VWA3A: variants seen among roughly 807,000 people sequenced by gnomAD.
VWA3A encodes von Willebrand factor A domain containing 3A, also known as von Willebrand factor A domain-containing protein 3A.
A neutral mutation model predicts 160.4 loss-of-function variants in VWA3A; 134 were observed. The ratio of observed to expected loss-of-function variants is 0.84; its 90% CI spans 0.73 to 0.96. The LOEUF is 0.96. Ranked by LOEUF, VWA3A falls within the 40% of genes least tolerant of loss-of-function variation. The probability of loss-of-function intolerance (pLI) is 0.00; values close to 1 mark genes in which losing one functional copy is unlikely to be tolerated. For missense variants in VWA3A, 1,310 were observed against 1,447.9 expected (o/e 0.90, Z 1.55); for synonymous variants, 476 against 543.4 (o/e 0.88, Z 1.72).
intron 16 of VWA3A, 137 bp from the exon 17 acceptor site, chr16:22,126,041 C>A: frequency 7.9e-7 from 1 of 1,259,756 alleles, no homozygotes; most frequent in Admixed American, 2.2e-5. Flanking sequence ...GGCCTCAAAC[C>A]ACAGAGAAGA....
rs571301935 is a variant in VWA3A, at chr16:22,139,651, C to T, written c.2293-503C>T. Among the ~76,000 whole-genome samples, 124 of 152,168 alleles carry T rather than the reference C, an allele frequency of 8.1e-4. 4 individuals are homozygous for T. In the South Asian group the frequency reaches 0.024, roughly 29 times the overall value. Reference sequence around the variant, plus strand: ...CAGAGTTTGCAGTGAGTCGAGATCACGCCGCTGCACTCCAGCCTGGGTGAC... The same window carrying T: ...CAGAGTTTGCAGTGAGTCGAGATCATGCCGCTGCACTCCAGCCTGGGTGAC... On this transcript the variant is annotated intron_variant, in intron 22 of 33. Transcript: ENST00000389398.
rs1480654583 is a variant in VWA3A at position 22,102,128 on chromosome 16, A to T, written c.429-1347A>T. On this transcript the variant is annotated intron_variant, in intron 5 of 33. Coordinates refer to ENST00000389398, the MANE Select transcript of VWA3A (RefSeq NM_173615.5). ...CACTTTGGGAGGTCAAGGCAGGAGG[A>T]TCGCTTGAGTTCAGGAGTTCAAGAC... Among the ~76,000 whole-genome samples, 3 of 152,174 alleles carry T rather than the reference A, an allele frequency of 2.0e-5. No homozygotes were observed. In the East Asian group the frequency reaches 5.8e-4, roughly 29 times the overall value.
Position 22,150,766 on chromosome 16 carries a change from C to A in VWA3A, c.3201C>A (p.Ser1067Arg), listed in dbSNP as rs1290975829. Residue 1067 changes from serine to arginine, a missense_variant, in exon 30 of 34, where the codon AGC becomes AGA. Physicochemically the swap from Ser to Arg is moderately radical, Grantham distance 110. Coordinates refer to ENST00000389398, the MANE Select transcript of VWA3A (RefSeq NM_173615.5). Reference protein sequence around the residue: ...LTDGKPDTSCSLVLNEVQKLR... With the variant: ...LTDGKPDTSCRLVLNEVQKLR... ...ACGGAAAGCCAGACACAAGCTGCAG[C>A]CTTGTCCTAAATGAAGTCCAAAAAC... 7.4e-6 allele frequency: 12 copies of A among 1,613,102 alleles called. No homozygotes were observed. Among genetic ancestry groups the A allele is most frequent in the Admixed American group, 1.7e-5 (1 of 59,864 alleles).
At chr16:22,139,262 C>A (rs992149026) in intron 22 of VWA3A, among the ~76,000 whole-genome samples, 1 of 152,220 alleles carries the variant, frequency 6.6e-6, no homozygotes, top group Non-Finnish European at 1.5e-5. Flanking sequence ...ACTTCGCCCC[C>A]TCCTCAGAGG....
chr16:22,152,434 C>A, intron 30 of VWA3A, 77 bp from the exon 31 acceptor site: 1 of 1,566,316 alleles, frequency 6.4e-7, no homozygotes, highest in South Asian at 1.2e-5. Flanking sequence ...GACTTAAGTT[C>A]CCCATGGACG....
rs551302375 is a variant in VWA3A, at chr16:22,140,642, G to A, written c.2383+398G>A. Among the ~76,000 whole-genome samples, 248 of 141,356 alleles carry A rather than the reference G, an allele frequency of 1.8e-3. 3 individuals are homozygous for A. The highest frequency in any genetic ancestry group is 2.8e-3 in the Non-Finnish European group (183 of 66,434). 92.7% of individuals were successfully genotyped at this position (141,356 alleles called of 152,430 possible). A position where few individuals can be genotyped will look rare whatever the true frequency, so the allele number is the denominator to read the frequency against. On this transcript the variant is annotated intron_variant, in intron 23 of 33. Transcript: ENST00000389398. ...TTTTTTTTTTTTGAGACAGAGTCTC[G>A]CTCTGTCACCCAGGCTGGAGTGCAG... is the stretch of plus-strand genomic sequence containing the variant.
At chr16:22,096,482 C>A (rs997648690) in intron 1 of VWA3A, among the ~76,000 whole-genome samples, 1 of 152,008 alleles carries the variant, frequency 6.6e-6, no homozygotes. Context: ...AATGGCCGGG[C>A]GTGGTGACTC....
At chr16:22,115,304 C>G (rs374911774) in intron 8 of VWA3A, 43 bp from the exon 9 acceptor site, 22 of 1,529,624 alleles carry the variant, frequency 1.4e-5, no homozygotes, top group Non-Finnish European at 2.6e-6. Flanking sequence ...AAATTCAATA[C>G]AAACAGTCTT....
chr16:22,147,672 G>A (rs1485704535), intron 27 of VWA3A: 1 of 702,400 alleles, frequency 1.4e-6, no homozygotes, highest in Non-Finnish European at 2.6e-6. Flanking sequence ...GGCTGAGCTG[G>A]GACAGAGAAG....
At chr16:22,144,515 C>T in intron 26 of VWA3A, 131 bp downstream of exon 26, 1 of 1,321,866 alleles carries the variant, frequency 7.6e-7, no homozygotes, top group South Asian at 1.6e-5. Flanking sequence ...AGTGGGACTC[C>T]CCTCACCAAA....
chr16:22,147,625 T>A, intron 27 of VWA3A: 1 of 703,258 alleles, frequency 1.4e-6, no homozygotes. Context: ...AGGGGCGTCA[T>A]GATGACTGCT....
intron 19 of VWA3A, among the ~76,000 whole-genome samples, chr16:22,131,939 T>A (rs564288802): frequency 1.3e-5 from 2 of 152,108 alleles, no homozygotes; most frequent in South Asian, 4.1e-4. Context: ...TCTGTAAAAA[T>A]TTTTAAAATA....
intron 22 of VWA3A, among the ~76,000 whole-genome samples, chr16:22,139,034 C>T (rs1305388437): frequency 6.6e-6 from 1 of 152,064 alleles, no homozygotes; most frequent in Non-Finnish European, 1.5e-5. Flanking sequence ...CCCAGAGGCA[C>T]CTGTGCTTGT....
intron 1 of VWA3A, among the ~76,000 whole-genome samples, chr16:22,093,514 T>C (rs1901414085): frequency 6.6e-6 from 1 of 152,230 alleles, no homozygotes. Flanking sequence ...CCGTTCTCTC[T>C]GGCACGCAGT....
At chr16:22,146,702 G>C (rs1327828686) in intron 27 of VWA3A, among the ~76,000 whole-genome samples, 2 of 152,018 alleles carry the variant, frequency 1.3e-5, no homozygotes, top group Admixed American at 1.3e-4. Flanking sequence ...GAAAATCGCA[G>C]AGGTTGCAGT....
At chr16:22,111,320 C>T (rs1598055069) in intron 8 of VWA3A, among the ~76,000 whole-genome samples, 4 of 151,992 alleles carry the variant, frequency 2.6e-5, no homozygotes, top group Admixed American at 2.6e-4. Context: ...GCAAATGAGT[C>T]TCCCTCTTTT....
intron 14 of VWA3A, 34 bp downstream of exon 14, chr16:22,121,651 A>G: frequency 1.3e-6 from 2 of 1,528,336 alleles, no homozygotes; most frequent in Non-Finnish European, 9.1e-7. Flanking sequence ...CCAGTCCTCC[A>G]CAGGAGAGCT....
chr16:22,144,335 G>A lies in VWA3A; in HGVS notation c.2681G>A (p.Arg894Lys). The change falls in exon 26 of 34, where the codon AGG becomes AAG. Residue 894 changes from arginine (R) to lysine (K), a missense_variant. Physicochemically the swap from Arg to Lys is conservative, Grantham distance 26. Transcript: ENST00000389398. ...TGCACTCATCAAAAGTCAGGACAGA[G>A]GTCAGCATCCGCCAAACACTGCAGC... Reference protein sequence around the residue: ...PNCTHQKSGQRSASAKHCSIF... With the variant: ...PNCTHQKSGQKSASAKHCSIF... The A allele has an allele frequency of 1.9e-6, 3 of 1,613,972 alleles. No individual in the cohort carries two copies. The highest frequency in any genetic ancestry group is 2.5e-6 in the Non-Finnish European group (3 of 1,179,900).
intron 6 of VWA3A, 71 bp from the exon 7 acceptor site, chr16:22,109,411 C>A: frequency 1.5e-6 from 2 of 1,291,866 alleles, no homozygotes; most frequent in Non-Finnish European, 2.2e-6. Context: ...CACTGCGTGG[C>A]ACAGAGCAGC....
Sources: allele counts gnomAD v4.1 joint callset (sites outside exome capture counted in the v4.1 genomes callset), GRCh38; gene constraint gnomAD v4.1.1; transcripts MANE v1.5; gene names NCBI Gene and HGNC (gene_info 2026-07-23, HGNC 2026-07-21).